The following FARS2 variants were observed in gnomAD, a reference collection of about 807,000 sequenced individuals.
FARS2 encodes the protein phenylalanine--tRNA ligase, mitochondrial.
A neutral mutation model predicts 46.4 loss-of-function variants in FARS2; 40 were observed. The ratio of observed to expected loss-of-function variants is 0.86; its 90% CI spans 0.67 to 1.12. FARS2 has a LOEUF of 1.12. Ranked by LOEUF, FARS2 falls within the 50% of genes most tolerant of loss-of-function variation. FARS2 has a pLI of 0.00. For synonymous variants in FARS2, 234 were observed against 214.9 expected, an observed-to-expected ratio of 1.09 and a Z score of -0.78; for missense variants, 513 against 567.9, an observed-to-expected ratio of 0.90 and a Z score of 0.98.
upstream of FARS2, chr6:5,260,793 C>T (rs1581627044): frequency 1.3e-6 from 2 of 1,534,056 alleles, no homozygotes; most frequent in East Asian, 2.4e-5. Context: ...ACGACCCAAC[C>T]CACGAAACTC....
chr6:5,257,633 G>C (rs1475010118), upstream of FARS2, among the ~76,000 whole-genome samples: 1 of 152,202 alleles, frequency 6.6e-6, no homozygotes, highest in South Asian at 2.1e-4. Flanking sequence ...TCTCCTGTCA[G>C]ATCAGCGGCG....
At chr6:5,663,855 G>A (rs1438667153) in intron 6 of FARS2, among the ~76,000 whole-genome samples, 3 of 152,202 alleles carry the variant, frequency 2.0e-5, no homozygotes, top group East Asian at 1.9e-4. Flanking sequence ...TAGATCTCCA[G>A]GGAAGATGTA....
intron 4 of FARS2, among the ~76,000 whole-genome samples, chr6:5,510,463 C>T (rs1768374788): frequency 6.6e-6 from 1 of 152,236 alleles, no homozygotes; most frequent in African/African-American, 2.4e-5. Context: ...GTGAGTTCCG[C>T]CGCAGCCTGG....
At chr6:5,667,785 C>T (rs552117921) in intron 6 of FARS2, among the ~76,000 whole-genome samples, 12 of 152,286 alleles carry the variant, frequency 7.9e-5, no homozygotes, top group African/African-American at 2.9e-4. Flanking sequence ...GTATTAGCAA[C>T]AGTTAGTTTA....
At chr6:5,520,024 T>A (rs1192028709) in intron 4 of FARS2, among the ~76,000 whole-genome samples, 1 of 152,204 alleles carries the variant, frequency 6.6e-6, no homozygotes, top group Non-Finnish European at 1.5e-5. Flanking sequence ...TGAACAGTTC[T>A]GACCAGTTCC....
At chr6:5,562,862 GGC>G (rs1322249919) in intron 5 of FARS2, among the ~76,000 whole-genome samples, 5 of 149,242 alleles carry the variant, frequency 3.4e-5, no homozygotes, top group African/African-American at 1.2e-4. Context: ...GGAGTGCAAT[GGC>G]GCGATCTAGG....
At chr6:5,344,340 G>A (rs1387842917) in intron 1 of FARS2, among the ~76,000 whole-genome samples, 2 of 152,192 alleles carry the variant, frequency 1.3e-5, no homozygotes, top group African/African-American at 2.4e-5. Context: ...AGATCACACT[G>A]ACCTGAAGGA....
intron 6 of FARS2, among the ~76,000 whole-genome samples, chr6:5,743,250 C>T (rs1006999266): frequency 6.6e-6 from 1 of 152,162 alleles, no homozygotes; most frequent in Non-Finnish European, 1.5e-5. Flanking sequence ...GATGGGCCAG[C>T]CTTAAGTTGG....
intron 4 of FARS2, among the ~76,000 whole-genome samples, chr6:5,537,362 C>G (rs1770269456): frequency 6.6e-6 from 1 of 152,218 alleles, no homozygotes; most frequent in African/African-American, 2.4e-5. Flanking sequence ...TGCCACAGTG[C>G]TCTTTGCTCC....
chr6:5,570,797 C>CGG (rs1561721003), intron 5 of FARS2, among the ~76,000 whole-genome samples: 1 of 151,828 alleles, frequency 6.6e-6, no homozygotes, highest in African/African-American at 2.4e-5. Flanking sequence ...CCTCTGGAAA[C>CGG]GGGGGTAATC....
intron 3 of FARS2, among the ~76,000 whole-genome samples, chr6:5,419,821 C>T (rs1008894907): frequency 7.9e-5 from 12 of 152,176 alleles, no homozygotes; most frequent in African/African-American, 2.7e-4. Flanking sequence ...CCCAAGCCCA[C>T]AGTGTGCCAT....
rs550985315 is a variant in FARS2 at position 5,706,941 on chromosome 6, G to A, written c.1218-64350G>A. ...TGTCACAGTCAGCGGAGCTGTGATA[G>A]AGTCTGAGCAGCAGCAGCTCAGCTT... On this transcript the variant is annotated intron_variant, in intron 6 of 6. Transcript: ENST00000274680. Among the ~76,000 whole-genome samples, 29 of 152,350 alleles carry A rather than the reference G, an allele frequency of 1.9e-4. 1 individual carries two copies. The East Asian group carries it at 1.9e-3, about 10-fold the overall frequency.
At chr6:5,280,877 A>G (rs149369948) in intron 1 of FARS2, among the ~76,000 whole-genome samples, 3 of 152,322 alleles carry the variant, frequency 2.0e-5, no homozygotes, top group African/African-American at 7.2e-5. Context: ...AGAAGTATGT[A>G]GGGGTAGAAG....
At chr6:5,614,463 G>A (rs1285027462) in intron 6 of FARS2, among the ~76,000 whole-genome samples, 1 of 150,198 alleles carries the variant, frequency 6.7e-6, no homozygotes, top group East Asian at 2.0e-4. Context: ...AGGCTGGAGT[G>A]CAGTGATGCG....
chr6:5,718,449 G>C (rs6597160), intron 6 of FARS2, among the ~76,000 whole-genome samples: 80,789 of 151,940 alleles, frequency 0.53, 22,054 homozygotes, highest in Non-Finnish European at 0.59. Context: ...TGTGATACAA[G>C]TGTTGGCGGC....
intron 1 of FARS2, among the ~76,000 whole-genome samples, chr6:5,302,574 T>C (rs940954452): frequency 1.3e-4 from 20 of 152,218 alleles, no homozygotes; most frequent in African/African-American, 4.3e-4. Context: ...AGGTGGACAC[T>C]ATTACTATCT....
At chr6:5,539,370 C>G (rs1770432950) in intron 4 of FARS2, among the ~76,000 whole-genome samples, 1 of 73,490 alleles carries the variant, frequency 1.4e-5, no homozygotes, top group African/African-American at 9.1e-5. Flanking sequence ...CCATGCCCAC[C>G]TAATTTTTTT....
At position 5,401,371 on chromosome 6, in the gene FARS2, T is replaced by C. The variant is rs1296132791; in HGVS notation, c.613-3171T>C. On this transcript the variant is annotated intron_variant, in intron 2 of 6. Transcript: ENST00000274680. Reference sequence around the variant, plus strand: ...GTCCCTTATCCCTCATTTTTAACTTTGTTCTTAGTAAAAGTATTCTTTAAC... The same window carrying C: ...GTCCCTTATCCCTCATTTTTAACTTCGTTCTTAGTAAAAGTATTCTTTAAC... Among the ~76,000 whole-genome samples the C allele has an allele frequency of 3.3e-5, 5 of 152,196 alleles. No individual in the cohort carries two copies. The East Asian group carries it at 9.6e-4, about 29-fold the overall frequency.
intron 4 of FARS2, among the ~76,000 whole-genome samples, chr6:5,473,952 C>G (rs999635666): frequency 6.6e-6 from 1 of 152,204 alleles, no homozygotes; most frequent in African/African-American, 2.4e-5. Flanking sequence ...TTTTAGAACA[C>G]CACTCCAGAA....
Sources: gnomAD v4.1 joint callset for allele counts (sites outside exome capture counted in the v4.1 genomes callset) on GRCh38, gnomAD v4.1.1 for gene constraint, MANE v1.5 for transcripts, NCBI Gene and HGNC (gene_info 2026-07-23, HGNC 2026-07-21) for gene names.